IL31RA: variants seen among roughly 807,000 people sequenced by gnomAD.
IL31RA encodes interleukin 31 receptor A.
A neutral mutation model predicts 83.7 loss-of-function variants in IL31RA; 66 were observed. That is an observed-to-expected ratio of 0.79 (90% CI 0.65 to 0.97). The LOEUF is 0.97. IL31RA is among the 50% of genes least tolerant of loss of function. The pLI is 0.00. For missense variants in IL31RA, 798 were observed against 919.4 expected, an observed-to-expected ratio of 0.87 and a Z score of 1.71; for synonymous variants, 325 against 329.0, an observed-to-expected ratio of 0.99 and a Z score of 0.13.
intron 4 of IL31RA, among the ~76,000 whole-genome samples, chr5:55,879,906 A>G (rs573431939): frequency 1.3e-5 from 2 of 152,274 alleles, no homozygotes; most frequent in East Asian, 3.9e-4. Flanking sequence ...ATAGAGTATT[A>G]GAGTTAAGTG....
intron 2 of IL31RA, among the ~76,000 whole-genome samples, chr5:55,863,143 T>C (rs1337110391): frequency 1.3e-5 from 2 of 152,212 alleles, no homozygotes; most frequent in African/African-American, 2.4e-5. Flanking sequence ...AAGTCTAACA[T>C]TGTTGATTTG....
At chr5:55,853,522 C>G in intron 1 of IL31RA, 1 of 1,550,920 alleles carries the variant, frequency 6.4e-7, no homozygotes, top group Non-Finnish European at 8.7e-7. Context: ...GATGCAAATC[C>G]TTTGAGCCAG....
chr5:55,882,255 A>T (rs1747286982), intron 4 of IL31RA, among the ~76,000 whole-genome samples: 1 of 152,220 alleles, frequency 6.6e-6, no homozygotes, highest in South Asian at 2.1e-4. Flanking sequence ...GCGATAATAG[A>T]ACATAAGTCA....
At chr5:55,877,441 A>G (rs1746926428) in intron 4 of IL31RA, among the ~76,000 whole-genome samples, 1 of 152,236 alleles carries the variant, frequency 6.6e-6, no homozygotes, top group Admixed American at 6.5e-5. Context: ...AGAGATCTTT[A>G]TATCTTCATC....
Position 55,867,197 on chromosome 5 carries a change from GTT to G in IL31RA, c.155-1592_155-1591del, listed in dbSNP as rs1385374247. ...TGTGTGTGCATGTGTGTTTGTGTGT[GTT>G]TGTGTGTGTGCGCATGTGTGTTTGT... On this transcript the variant is annotated intron_variant, in intron 2 of 14. Coordinates refer to ENST00000652347, the MANE Select transcript of IL31RA (RefSeq NM_139017.7). Among the ~76,000 whole-genome samples the G allele has an allele frequency of 6.7e-3, 123 of 18,480 alleles. 4 individuals carry two copies. In the Middle Eastern group the frequency reaches 0.11, roughly 16 times the overall value. 12.1% of individuals were successfully genotyped at this position (18,480 alleles called of 152,430 possible).
chr5:55,851,313 G>A (rs553415368), upstream of IL31RA: 5 of 554,936 alleles, frequency 9.0e-6, no homozygotes, highest in East Asian at 1.3e-4. Context: ...TATGACTCAT[G>A]CCTGAATAGA....
intron 4 of IL31RA, among the ~76,000 whole-genome samples, chr5:55,873,775 G>C (rs4472224): frequency 0.63 from 95,616 of 151,838 alleles, 31,697 homozygotes; most frequent in African/African-American, 0.84. Flanking sequence ...TTTAAGAATT[G>C]TTTATATATT....
the IL31RA span, among the ~76,000 whole-genome samples, chr5:55,843,558 A>G: frequency 1.3e-5 from 2 of 152,200 alleles, no homozygotes; most frequent in African/African-American, 4.8e-5. Flanking sequence ...TTTCCAATAC[A>G]GGGGTGTCAA....
chr5:55,882,374 AAAAC>A (rs1747292809), intron 4 of IL31RA, among the ~76,000 whole-genome samples: 1 of 152,246 alleles, frequency 6.6e-6, no homozygotes, highest in Non-Finnish European at 1.5e-5. Context: ...TTATTTTTAA[AAAAC>A]AAAAGCTTTA....
chr5:55,915,627 C>T (rs532200534), intron 14 of IL31RA, among the ~76,000 whole-genome samples: 1 of 151,916 alleles, frequency 6.6e-6, no homozygotes, highest in Non-Finnish European at 1.5e-5. Flanking sequence ...TATTAGTCCT[C>T]GTTCCCACTC....
chr5:55,867,179 GCATGTGTGTT>G (rs778517308), intron 2 of IL31RA, among the ~76,000 whole-genome samples: 1 of 63,892 alleles, frequency 1.6e-5, no homozygotes, highest in African/African-American at 5.6e-5. Context: ...ATGTGTGTGT[GCATGTGTGTT>G]TGTGTGTGTT....
intron 2 of IL31RA, among the ~76,000 whole-genome samples, chr5:55,867,080 T>G (rs1746100295): frequency 1.1e-5 from 1 of 88,828 alleles, no homozygotes; most frequent in African/African-American, 3.4e-5. Flanking sequence ...GTTGTGCATG[T>G]GTGTTTGTGT....
intron 1 of IL31RA, among the ~76,000 whole-genome samples, chr5:55,855,896 T>C (rs1307294051): frequency 6.6e-6 from 1 of 151,996 alleles, no homozygotes; most frequent in Non-Finnish European, 1.5e-5. Flanking sequence ...GGTTTTGTTG[T>C]TGTTTGTTTG....
the IL31RA span, among the ~76,000 whole-genome samples, chr5:55,842,043 A>G: frequency 2.6e-5 from 4 of 151,992 alleles, no homozygotes; most frequent in Non-Finnish European, 5.9e-5. Context: ...GCCTCCTAAA[A>G]TGCTGGGATT....
chr5:55,839,882 C>G, the IL31RA span: 1 of 730,808 alleles, frequency 1.4e-6, no homozygotes, highest in South Asian at 1.5e-5. Context: ...CCTGCCTTCT[C>G]TGTTGTAGAT....
intron 2 of IL31RA, 95 bp downstream of exon 2, chr5:55,859,694 C>T: frequency 1.1e-6 from 1 of 882,286 alleles, no homozygotes; most frequent in Non-Finnish European, 1.9e-6. Context: ...GGATTATGGA[C>T]ATCCACAGAT....
chr5:55,882,922 C>A, intron 4 of IL31RA, 122 bp from the exon 5 acceptor site: 1 of 886,186 alleles, frequency 1.1e-6, no homozygotes, highest in Admixed American at 1.9e-5. Flanking sequence ...CTTGCAAATG[C>A]CATCTTCGTT....
chr5:55,850,841 A>T (rs1048016510), upstream of IL31RA, among the ~76,000 whole-genome samples: 9 of 152,246 alleles, frequency 5.9e-5, no homozygotes, highest in African/African-American at 1.9e-4. Context: ...CTGTAATCCC[A>T]GCACTTTGGG....
intron 11 of IL31RA, chr5:55,908,912 G>A (rs1421311831): frequency 4.1e-5 from 51 of 1,234,246 alleles, no homozygotes; most frequent in Non-Finnish European, 5.0e-5. Context: ...TATTTTTCCA[G>A]TTTAAACATT....
Sources: gnomAD v4.1 joint callset for allele counts (sites outside exome capture counted in the v4.1 genomes callset) on GRCh38, gnomAD v4.1.1 for gene constraint, MANE v1.5 for transcripts, NCBI Gene and HGNC (gene_info 2026-07-23, HGNC 2026-07-21) for gene names.